Variants in ARHGAP17 observed in about 807,000 individuals in gnomAD.
ARHGAP17 encodes rho GTPase-activating protein 17.
A neutral mutation model predicts 99.5 loss-of-function variants in ARHGAP17; 57 were observed. The ratio of observed to expected loss-of-function variants is 0.57; its 90% confidence interval spans 0.46 to 0.71. The LOEUF (loss-of-function observed/expected upper bound fraction) is 0.71. ARHGAP17 is among the 30% of genes least tolerant of loss of function. The pLI is 0.00. For synonymous variants in ARHGAP17, 417 were observed against 429.6 expected, an observed-to-expected ratio of 0.97 and a Z score of 0.36; for missense variants, 1,000 against 1,122.4, an observed-to-expected ratio of 0.89 and a Z score of 1.56.
chr16:25,006,948 G>T (rs2141517611), intron 1 of ARHGAP17, among the ~76,000 whole-genome samples: 1 of 152,306 alleles, frequency 6.6e-6, no homozygotes, highest in East Asian at 1.9e-4. Context: ...ATGGGGCTGA[G>T]ATCACCCAGG....
intron 19 of ARHGAP17, among the ~76,000 whole-genome samples, chr16:24,925,588 T>C (rs902720787): frequency 1.3e-5 from 2 of 152,204 alleles, no homozygotes; most frequent in African/African-American, 4.8e-5. Context: ...TCTGATTATC[T>C]ACTTATTAAA....
At chr16:24,957,721 G>A (rs1392073591) in intron 9 of ARHGAP17, among the ~76,000 whole-genome samples, 1 of 152,178 alleles carries the variant, frequency 6.6e-6, no homozygotes, top group Non-Finnish European at 1.5e-5. Context: ...GGATTCAGGA[G>A]TAGGAAGGTG....
intron 1 of ARHGAP17, among the ~76,000 whole-genome samples, chr16:24,997,536 T>C (rs568848708): frequency 6.6e-6 from 1 of 152,324 alleles, no homozygotes; most frequent in Non-Finnish European, 1.5e-5. Flanking sequence ...AAAGATATGC[T>C]GCCGGGTAGG....
At chr16:25,006,460 A>G (rs1395864211) in intron 1 of ARHGAP17, among the ~76,000 whole-genome samples, 3 of 151,824 alleles carry the variant, frequency 2.0e-5, no homozygotes, top group Non-Finnish European at 4.4e-5. Context: ...AAAAAAAAAA[A>G]AAAAAAGAAA....
chr16:24,997,303 C>A (rs1013379014), intron 1 of ARHGAP17, among the ~76,000 whole-genome samples: 1 of 151,698 alleles, frequency 6.6e-6, no homozygotes, highest in African/African-American at 2.4e-5. Context: ...ATCATTAGCA[C>A]TTGGACTGGT....
In ARHGAP17 at chr16:24,997,932, G is replaced by C. The variant is rs78580030; in HGVS notation, c.53+17277C>G. Reference sequence around the variant, plus strand: ...CAGAAAAGACATCTGGTCCAGAAACGAAGAGCCTGCTGTGAGGACCAGCAG... The same window carrying C: ...CAGAAAAGACATCTGGTCCAGAAACCAAGAGCCTGCTGTGAGGACCAGCAG... On this transcript the variant is annotated intron_variant, in intron 1 of 19. Coordinates refer to ENST00000289968, the MANE Select transcript of ARHGAP17 (RefSeq NM_001006634.3). 5.8e-4 allele frequency among the ~76,000 whole-genome samples: 89 copies of C among 152,252 alleles called. 1 individual carries two copies. In the East Asian group the frequency reaches 0.016, roughly 27 times the overall value.
At chr16:24,938,010 T>C (rs2051189240) in intron 17 of ARHGAP17, among the ~76,000 whole-genome samples, 1 of 152,176 alleles carries the variant, frequency 6.6e-6, no homozygotes, top group Admixed American at 6.5e-5. Context: ...TGAAGTAGCC[T>C]CTGGTGGTCA....
intron 4 of ARHGAP17, 31 bp from the exon 5 acceptor site, chr16:24,968,803 C>A: frequency 6.2e-7 from 1 of 1,606,742 alleles, no homozygotes; most frequent in Non-Finnish European, 8.5e-7. Flanking sequence ...ACAACGAGCA[C>A]GTGCTCATTA....
At chr16:24,958,521 A>T (rs1303364398) in intron 9 of ARHGAP17, among the ~76,000 whole-genome samples, 1 of 152,202 alleles carries the variant, frequency 6.6e-6, no homozygotes, top group African/African-American at 2.4e-5. Context: ...ATGAACTAAT[A>T]ATCTTGATTA....
At chr16:24,926,598 A>C (rs1432294853) in intron 19 of ARHGAP17, among the ~76,000 whole-genome samples, 3 of 152,242 alleles carry the variant, frequency 2.0e-5, no homozygotes. Context: ...CTTACATGAC[A>C]TAAGAAGGGT....
At chr16:24,979,704 T>TTTATTA (rs532237734) in intron 1 of ARHGAP17, among the ~76,000 whole-genome samples, 47 of 150,594 alleles carry the variant, frequency 3.1e-4, no homozygotes, top group Admixed American at 5.3e-4. Flanking sequence ...TAATTTTTAT[T>TTTATTA]TTATTATTAT....
Position 24,939,465 on chromosome 16 carries a change from C to A in ARHGAP17, c.1623G>T (p.Glu541Asp). 6.2e-7 allele frequency: 1 copy of A among 1,611,178 alleles called. No homozygotes were observed. The highest frequency in any genetic ancestry group is 8.5e-7 in the Non-Finnish European group (1 of 1,179,154). Residue 541 changes from glutamate to aspartate, a missense_variant, in exon 17 of 20, where the codon GAG (glutamate) becomes GAT (aspartate). Physicochemically the swap from Glu to Asp is conservative, Grantham distance 45. This residue lies in a region of ARHGAP17 where 528 missense variants were observed against 511.4 expected (regional missense o/e 1.03). Transcript: ENST00000289968. ...DGSTVVPAGP[E>D]PPPQSSRAES... Reference sequence around the variant, plus strand: ...CAGCCCTAGAGCTCTGGGGAGGGGGCTCTGGGCCAGCGGGCACCACGGTGC... The same window carrying A: ...CAGCCCTAGAGCTCTGGGGAGGGGGATCTGGGCCAGCGGGCACCACGGTGC...
At chr16:24,940,425 G>C (rs1233266492) in intron 16 of ARHGAP17, among the ~76,000 whole-genome samples, 3 of 152,214 alleles carry the variant, frequency 2.0e-5, no homozygotes, top group Non-Finnish European at 4.4e-5. Flanking sequence ...GGGCATGGTA[G>C]CTCACACCTG....
chr16:24,954,413 A>G (rs2051742020), intron 10 of ARHGAP17, among the ~76,000 whole-genome samples, 190 bp downstream of exon 10: 1 of 152,264 alleles, frequency 6.6e-6, no homozygotes, highest in Non-Finnish European at 1.5e-5. Flanking sequence ...GATAGGTATC[A>G]TAGGGAACAG....
chr16:24,966,912 C>T (rs1041594722), intron 6 of ARHGAP17, among the ~76,000 whole-genome samples: 4 of 152,194 alleles, frequency 2.6e-5, no homozygotes, highest in Non-Finnish European at 5.9e-5. Context: ...CAAGTCTCCT[C>T]TCAAAAGTAG....
intron 1 of ARHGAP17, among the ~76,000 whole-genome samples, chr16:25,012,276 C>A (rs1212512761): frequency 6.6e-6 from 1 of 152,178 alleles, no homozygotes; most frequent in Non-Finnish European, 1.5e-5. Flanking sequence ...TAGACTTACC[C>A]ACCCATCGTA....
rs1324804552 is a variant in ARHGAP17 at position 24,931,068 on chromosome 16, T to C, written c.2231A>G (p.Glu744Gly). The C allele has an allele frequency of 3.7e-6, 6 of 1,606,034 alleles. No individual in the cohort carries two copies. The East Asian group carries it at 1.3e-4, about 36-fold the overall frequency. Residue 744 changes from glutamate to glycine, a missense_variant, in exon 19 of 20, where the codon GAG becomes GGG. By Grantham distance (98) the Glu-to-Gly change is moderately conservative. This residue lies in a region of ARHGAP17 where 528 missense variants were observed against 511.4 expected (regional missense o/e 1.03). Transcript: ENST00000289968. The part of the protein sequence containing the change: ...GPPNPMALPS[E>G]HGLEQPSHTP... ...GTGAGATGGCTGCTCAAGTCCATGC[T>C]CACTGGGCAATGCCATGGGGTTGGG...
chr16:24,943,402 A>G (rs3815951), intron 15 of ARHGAP17, among the ~76,000 whole-genome samples: 47,152 of 152,040 alleles, frequency 0.31, 8,342 homozygotes, highest in Non-Finnish European at 0.42. Context: ...AGTTTGTCAA[A>G]TCTTTCTCCA....
intron 1 of ARHGAP17, among the ~76,000 whole-genome samples, chr16:24,993,588 CAAAA>C (rs74798570): frequency 4.4e-5 from 5 of 113,618 alleles, no homozygotes; most frequent in East Asian, 2.4e-4. Context: ...GACTCTGTCT[CAAAA>C]AAAAAAAAAA....
Sources: gnomAD v4.1 joint callset for allele counts (sites outside exome capture counted in the v4.1 genomes callset) on GRCh38, gnomAD v4.1.1 for gene constraint, gnomAD v4.1.1 regional missense constraint, MANE v1.5 for transcripts, NCBI Gene and HGNC (gene_info 2026-07-23, HGNC 2026-07-21) for gene names.